Variants in EYS observed in about 807,000 individuals in gnomAD.
EYS encodes protein eyes shut homolog.
EYS carries 250 observed loss-of-function variants against 282.1 expected under a neutral mutation model. The ratio of observed to expected loss-of-function variants is 0.89; its 90% CI spans 0.80 to 0.98. The LOEUF is 0.98. Ranked by LOEUF, EYS falls within the 50% of genes least tolerant of loss-of-function variation. The pLI is 0.00. For synonymous variants in EYS, 1,355 were observed against 1,282.9 expected (o/e 1.06, Z -1.20); for missense variants, 4,016 against 3,709.0 (o/e 1.08, Z -2.15).
At chr6:64,710,363 GGA>G (rs1266315030) in intron 22 of EYS, among the ~76,000 whole-genome samples, 1 of 152,214 alleles carries the variant, frequency 6.6e-6, no homozygotes, top group Non-Finnish European at 1.5e-5. Flanking sequence ...AGGTGGAAAA[GGA>G]GAGTGCCAAG....
chr6:64,021,438 A>G (rs767656409), intron 33 of EYS, among the ~76,000 whole-genome samples: 1 of 151,874 alleles, frequency 6.6e-6, no homozygotes, highest in Non-Finnish European at 1.5e-5. Context: ...GATGCTGGCA[A>G]ACTTCCTACA....
chr6:64,039,159 G>A (rs946462229), intron 33 of EYS, among the ~76,000 whole-genome samples: 2 of 152,112 alleles, frequency 1.3e-5, no homozygotes, highest in Admixed American at 1.3e-4. Flanking sequence ...ATACCTGACT[G>A]ACAAATGTAG....
chr6:64,670,075 T>C (rs1428544130), intron 22 of EYS, among the ~76,000 whole-genome samples: 2 of 152,082 alleles, frequency 1.3e-5, no homozygotes, highest in African/African-American at 4.8e-5. Flanking sequence ...TGAAATATAA[T>C]CACCATAGAG....
At chr6:64,598,001 T>C (rs1249191594) in intron 24 of EYS, among the ~76,000 whole-genome samples, 1 of 152,188 alleles carries the variant, frequency 6.6e-6, no homozygotes, top group Non-Finnish European at 1.5e-5. Context: ...ATTCCATAAA[T>C]ATGTACAATT....
intron 8 of EYS, among the ~76,000 whole-genome samples, chr6:65,381,369 G>A (rs1032613514): frequency 6.6e-6 from 1 of 152,060 alleles, no homozygotes; most frequent in South Asian, 2.1e-4. Flanking sequence ...CATAGGAACA[G>A]AAAAGCAAAC....
intron 12 of EYS, among the ~76,000 whole-genome samples, chr6:65,229,814 A>G (rs1295570029): frequency 2.0e-5 from 3 of 152,004 alleles, no homozygotes; most frequent in South Asian, 4.1e-4. Context: ...TCCATTTTAG[A>G]TATGAGATGT....
In EYS at chr6:63,723,788, CATTATTATTATTATTATTATT is replaced by C. The variant is rs57873412; in HGVS notation, c.8234-2012_8234-1992del. On this transcript the variant is annotated intron_variant, in intron 42 of 42. Coordinates refer to ENST00000503581, the MANE Select transcript of EYS (RefSeq NM_001142800.2). ...GTTATGGGTCATAAGTACACATTGG[CATTATTATTATTATTATTATT>C]ATTATTATTATTATTATTATTATTA... Among the ~76,000 whole-genome samples, 869 of 138,170 alleles carry C rather than the reference CATTATTATTATTATTATTATT, an allele frequency of 6.3e-3. 10 individuals are homozygous for C. Among genetic ancestry groups the C allele is most frequent in the African/African-American group, 0.02 (758 of 37,446 alleles). 90.6% of individuals were successfully genotyped at this position (138,170 alleles called of 152,430 possible).
At chr6:63,755,268 G>A (rs1012610228) in intron 41 of EYS, among the ~76,000 whole-genome samples, 1 of 151,692 alleles carries the variant, frequency 6.6e-6, no homozygotes, top group Admixed American at 6.6e-5. Context: ...CTTTGCCCAT[G>A]CCTATATCCT....
chr6:64,913,418 A>G (rs1039502998), intron 15 of EYS, among the ~76,000 whole-genome samples: 56 of 152,054 alleles, frequency 3.7e-4, no homozygotes, highest in African/African-American at 1.3e-3. Flanking sequence ...TTCCCTGCTC[A>G]CTTTTGGAGT....
At chr6:63,790,905 A>G (rs1351936386) in intron 37 of EYS, among the ~76,000 whole-genome samples, 2 of 152,074 alleles carry the variant, frequency 1.3e-5, no homozygotes, top group Non-Finnish European at 2.9e-5. Context: ...GGGAGGGCAT[A>G]TTCATTTCAG....
intron 22 of EYS, among the ~76,000 whole-genome samples, chr6:64,780,021 T>C (rs753526815): frequency 1.2e-4 from 18 of 152,182 alleles, no homozygotes; most frequent in Non-Finnish European, 2.4e-4. Flanking sequence ...CTTAATCTCT[T>C]CTTAAACTCA....
intron 26 of EYS, among the ~76,000 whole-genome samples, chr6:64,551,356 G>C (rs9444974): frequency 0.012 from 1,890 of 151,894 alleles, 40 homozygotes; most frequent in African/African-American, 0.042. Context: ...GGGGCAGAAG[G>C]AGTCTTTGAT....
intron 35 of EYS, among the ~76,000 whole-genome samples, chr6:63,920,843 T>A (rs1022964550): frequency 6.6e-6 from 1 of 151,850 alleles, no homozygotes; most frequent in Admixed American, 6.6e-5. Context: ...CTTTGTGACC[T>A]CAGATAAGGC....
chr6:65,543,372 AT>A (rs1364180412), intron 2 of EYS, among the ~76,000 whole-genome samples: 2 of 148,170 alleles, frequency 1.3e-5, no homozygotes, highest in East Asian at 3.9e-4. Flanking sequence ...CTAAATATTT[AT>A]ATATATTATA....
At chr6:64,046,724 C>T (rs577878713) in intron 33 of EYS, among the ~76,000 whole-genome samples, 1 of 152,280 alleles carries the variant, frequency 6.6e-6, no homozygotes, top group Non-Finnish European at 1.5e-5. Context: ...ATCCAGTCAG[C>T]ACATCACACA....
chr6:64,602,447 G>T (rs1418893439), intron 24 of EYS, among the ~76,000 whole-genome samples: 1 of 151,986 alleles, frequency 6.6e-6, no homozygotes, highest in Non-Finnish European at 1.5e-5. Flanking sequence ...TGAGCTACAA[G>T]AGTCATCAAC....
chr6:65,176,211 T>A (rs952481418), intron 12 of EYS, among the ~76,000 whole-genome samples: 40 of 151,520 alleles, frequency 2.6e-4, no homozygotes, highest in Non-Finnish European at 1.5e-4. Context: ...TAACTAAAAC[T>A]TTTTATCCCT....
chr6:64,152,541 A>AG (rs1774778706), intron 31 of EYS, among the ~76,000 whole-genome samples: 1 of 152,174 alleles, frequency 6.6e-6, no homozygotes, highest in African/African-American at 2.4e-5. Flanking sequence ...GGGGCTTCAC[A>AG]GTCAATTACA....
rs540581495 is a variant in EYS at position 65,066,730 on chromosome 6, G to T, written c.2024-9003C>A. Among the ~76,000 whole-genome samples the T allele has an allele frequency of 4.0e-4, 61 of 152,252 alleles. No homozygotes were observed. In the South Asian group the frequency reaches 5.4e-3, roughly 13 times the overall value. On this transcript the variant is annotated intron_variant, in intron 12 of 42. Coordinates refer to ENST00000503581, the MANE Select transcript of EYS (RefSeq NM_001142800.2). ...GGTTAGATTTTATGCTTTCAAATGA[G>T]TTCCTTTCTTAGTAGACATTTGCTA...
Sources: gnomAD v4.1 joint callset for allele counts (sites outside exome capture counted in the v4.1 genomes callset) on GRCh38, gnomAD v4.1.1 for gene constraint, MANE v1.5 for transcripts, NCBI Gene and HGNC (gene_info 2026-07-23, HGNC 2026-07-21) for gene names.